The following BBS12 variants were observed in gnomAD, a reference collection of about 807,000 sequenced individuals.
The protein encoded by BBS12 is chaperonin-containing T-complex member BBS12.
BBS12 carries 5 observed loss-of-function variants against 5.6 expected under a neutral mutation model. The ratio of observed to expected loss-of-function variants is 0.89; its 90% CI spans 0.46 to 1.86. BBS12 has a LOEUF of 1.86. Among genes scored for constraint, BBS12 ranks in the 40% most tolerant of loss-of-function variants. The probability of loss-of-function intolerance (pLI) is 0.01; values close to 1 mark genes in which losing one functional copy is unlikely to be tolerated. For synonymous variants in BBS12, 308 were observed against 306.8 expected, an observed-to-expected ratio of 1.00 and a Z score of -0.04; for missense variants, 748 against 830.4, an observed-to-expected ratio of 0.90 and a Z score of 1.22.
At chr4:122,739,641 A>G (rs1005581282) in intron 1 of BBS12, among the ~76,000 whole-genome samples, 8 of 152,362 alleles carry the variant, frequency 5.3e-5, no homozygotes, top group African/African-American at 1.9e-4. Context: ...TCAGCCCTCA[A>G]GGGCACATGC....
At chr4:122,713,328 T>A in the BBS12 span, among the ~76,000 whole-genome samples, 160 of 152,148 alleles carry the variant, frequency 1.1e-3, 2 homozygotes, top group South Asian at 0.023. Flanking sequence ...ATTTTTTTTT[T>A]AATTATTTTT....
Position 122,742,467 on chromosome 4 carries a change from G to T in BBS12, c.575G>T (p.Arg192Ile), listed in dbSNP as rs538701120. The change falls in exon 2 of 2, where the codon AGA becomes ATA. Residue 192 changes from arginine to isoleucine, a missense_variant. Arg to Ile is a moderately conservative substitution (Grantham distance 97, BLOSUM62 -3). Transcript: ENST00000314218. ...CTGACCATTTCCAACCTTTCTGGGAGACCTCTTAAATCATATGAATTATTT... is the reference window on the plus strand; with the variant it reads ...CTGACCATTTCCAACCTTTCTGGGATACCTCTTAAATCATATGAATTATTT... ...QTLTISNLSG[R>I]PLKSYELFKP... is the part of the protein sequence containing the mutation. 41 of 1,614,098 alleles carry T rather than the reference G, an allele frequency of 2.5e-5. No individual in the cohort carries two copies. Among genetic ancestry groups the T allele is most frequent in the Non-Finnish European group, 3.5e-5 (41 of 1,180,016 alleles).
In BBS12 at chr4:122,743,953, C is replaced by G; in HGVS notation, c.2061C>G (p.Asp687Glu). Reference protein sequence around the residue: ...LDLVLLVLQTDSEIITGHGHT... With the variant: ...LDLVLLVLQTESEIITGHGHT... Reference sequence around the variant, plus strand: ...TAGTATTGTTAGTACTTCAGACAGACAGTGAAATAATTACTGGACATGGAC... The same window carrying G: ...TAGTATTGTTAGTACTTCAGACAGAGAGTGAAATAATTACTGGACATGGAC... The change falls in exon 2 of 2, where the codon GAC (aspartate) becomes GAG (glutamate). Residue 687 changes from aspartate (D) to glutamate (E), a missense_variant. Asp to Glu is a conservative substitution (Grantham distance 45, BLOSUM62 2). Transcript: ENST00000314218. The G allele has an allele frequency of 6.2e-7, 1 of 1,612,732 alleles. No individual in the cohort carries two copies. Among genetic ancestry groups the G allele is most frequent in the Non-Finnish European group, 8.5e-7 (1 of 1,179,604 alleles).
At chr4:122,716,661 A>G in the BBS12 span, among the ~76,000 whole-genome samples, 1 of 75,880 alleles carries the variant, frequency 1.3e-5, no homozygotes, top group Non-Finnish European at 2.5e-5. Flanking sequence ...GTATATGCAC[A>G]TACACATATG....
the BBS12 span, among the ~76,000 whole-genome samples, chr4:122,707,601 T>A: frequency 2.0e-5 from 3 of 152,334 alleles, no homozygotes; most frequent in African/African-American, 7.2e-5. Context: ...CAGAAATGCA[T>A]GCTCTTACAC....
At chr4:122,706,763 TA>T in the BBS12 span, among the ~76,000 whole-genome samples, 1 of 152,188 alleles carries the variant, frequency 6.6e-6, no homozygotes, top group Non-Finnish European at 1.5e-5. Context: ...CATGGAAAAG[TA>T]ATGGTCATGT....
chr4:122,733,424 C>CACACAT (rs1159344912), intron 1 of BBS12, among the ~76,000 whole-genome samples: 3 of 134,080 alleles, frequency 2.2e-5, no homozygotes, highest in African/African-American at 8.3e-5. Flanking sequence ...CACACACACA[C>CACACAT]ATCCAGCCAT....
chr4:122,742,716 T>C lies in BBS12; in HGVS notation c.824T>C (p.Leu275Ser). The C allele has an allele frequency of 6.2e-7, 1 of 1,614,220 alleles. No individual in the cohort carries two copies. Among genetic ancestry groups the C allele is most frequent in the Non-Finnish European group, 8.5e-7 (1 of 1,180,044 alleles). The part of the protein sequence containing the change: ...CNDLVELAVG[L>S]SHGDHSSMKL... Reference sequence around the variant, plus strand: ...GATTTGGTAGAGTTGGCAGTAGGCTTGAGTCATGGAGATCACAGCAGCATG... The same window carrying C: ...GATTTGGTAGAGTTGGCAGTAGGCTCGAGTCATGGAGATCACAGCAGCATG... Residue 275 changes from leucine to serine, a missense_variant, in exon 2 of 2, where the codon TTG (leucine) becomes TCG (serine). Coordinates refer to ENST00000314218, the MANE Select transcript of BBS12 (RefSeq NM_152618.3).
chr4:122,702,762 G>A, the BBS12 span, among the ~76,000 whole-genome samples: 1 of 152,182 alleles, frequency 6.6e-6, no homozygotes, highest in Admixed American at 6.5e-5. Flanking sequence ...CCAAGAAGAG[G>A]TCTGTAAGTC....
chr4:122,727,888 C>T (rs973173485), upstream of BBS12, among the ~76,000 whole-genome samples: 3 of 151,970 alleles, frequency 2.0e-5, no homozygotes, highest in Admixed American at 2.0e-4. Context: ...AGGCAAAGGA[C>T]TTTGTTAGAC....
At chr4:122,738,114 A>G (rs1001893802) in intron 1 of BBS12, among the ~76,000 whole-genome samples, 3 of 152,278 alleles carry the variant, frequency 2.0e-5, no homozygotes, top group Admixed American at 6.5e-5. Context: ...GGATTTGGCA[A>G]TGGATTTTTA....
rs1393084656 is a variant in BBS12, at chr4:122,744,751, G to A, written c.*726G>A. 3 of 167,108 alleles carry A rather than the reference G, an allele frequency of 1.8e-5. No homozygotes were observed. The highest frequency in any genetic ancestry group is 7.2e-5 in the African/African-American group (3 of 41,416). The allele number at this position is 167,108 out of a possible 1,614,324, so 10.4% of individuals were successfully genotyped here. A position where few individuals can be genotyped will look rare whatever the true frequency, so the allele number is the denominator to read the frequency against. On this transcript the variant is annotated 3_prime_UTR_variant, in exon 2 of 2. Coordinates refer to ENST00000314218, the MANE Select transcript of BBS12 (RefSeq NM_152618.3). ...TGGTCTCATATAGCAATTAATGCAG[G>A]CTATTATCAGACACAGCAGCAGGAT...
In BBS12 at chr4:122,732,785, A is replaced by C. The variant is rs1457968610; in HGVS notation, c.-110A>C. 6.6e-6 allele frequency: 1 copy of C among 152,280 alleles called. No individual in the cohort carries two copies. Among genetic ancestry groups the C allele is most frequent in the East Asian group, 1.9e-4 (1 of 5,192 alleles). 9.4% of individuals were successfully genotyped at this position (152,280 alleles called of 1,614,324 possible). On this transcript the variant is annotated 5_prime_UTR_variant, in exon 1 of 2. It removes the in-frame stop codon of an upstream open reading frame in the 5' UTR. Transcript: ENST00000314218. ...CTGCGGACGGGGAACTGGGCTCCCT[A>C]GCCCTGGCGTTTTTGGTGTTGCTGT...
chr4:122,701,839 C>A, the BBS12 span, among the ~76,000 whole-genome samples: 1 of 152,186 alleles, frequency 6.6e-6, no homozygotes, highest in Non-Finnish European at 1.5e-5. Context: ...CCAGTGAGTA[C>A]CTCCACATTT....
intron 1 of BBS12, chr4:122,733,859 C>CTTTTTTTTTT (rs35729794): frequency 8.2e-5 from 8 of 97,130 alleles, no homozygotes; most frequent in Non-Finnish European, 1.2e-4. Flanking sequence ...TAACTTTAGT[C>CTTTTTTTTTT]TTTTTTTTTT....
the BBS12 span, among the ~76,000 whole-genome samples, chr4:122,726,263 A>G: frequency 6.6e-6 from 1 of 152,354 alleles, no homozygotes; most frequent in East Asian, 1.9e-4. Context: ...TGGGCTAAGG[A>G]CATGAATAGA....
In BBS12 at chr4:122,742,806, C is replaced by A. The variant is rs142642153; in HGVS notation, c.914C>A (p.Thr305Lys). 3.7e-6 allele frequency: 6 copies of A among 1,614,186 alleles called. No homozygotes were observed. The African/African-American group carries it at 5.3e-5, about 14-fold the overall frequency. ...GCTTGTGTGCAACAAGGCAACTGTA[C>A]AAAACCATTTATGTTTGACATTTCA... ...QNACVQQGNC[T>K]KPFMFDISRI... Residue 305 changes from threonine to lysine, a missense_variant, in exon 2 of 2, where the codon ACA (threonine) becomes AAA (lysine). Transcript: ENST00000314218.
Position 122,744,028 on chromosome 4 carries a change from T to G in BBS12, c.*3T>G. On this transcript the variant is annotated 3_prime_UTR_variant, in exon 2 of 2. Coordinates refer to ENST00000314218, the MANE Select transcript of BBS12 (RefSeq NM_152618.3). ...TAACGGGCTTTCTATTTTTGTAGTGTTACTGGCTAAGTCTTTGGAAAATAA... is the reference window on the plus strand; with the variant it reads ...TAACGGGCTTTCTATTTTTGTAGTGGTACTGGCTAAGTCTTTGGAAAATAA... 2 of 1,610,328 alleles carry G rather than the reference T, an allele frequency of 1.2e-6. No individual in the cohort carries two copies. The highest frequency in any genetic ancestry group is 1.7e-6 in the Non-Finnish European group (2 of 1,176,516).
At chr4:122,739,958 A>T (rs976820369) in intron 1 of BBS12, among the ~76,000 whole-genome samples, 1 of 152,202 alleles carries the variant, frequency 6.6e-6, no homozygotes, top group Non-Finnish European at 1.5e-5. Flanking sequence ...TTGACAGAGA[A>T]ATATCTTTGT....
Sources: gnomAD v4.1 joint callset for allele counts (sites outside exome capture counted in the v4.1 genomes callset) on GRCh38, gnomAD v4.1.1 for gene constraint, MANE v1.5 for transcripts, NCBI Gene and HGNC (gene_info 2026-07-23, HGNC 2026-07-21) for gene names.